Variants in NFILZ observed in about 807,000 individuals in gnomAD.
NFILZ encodes the protein NFIL3 like protein.
At chr19:8,660,679 CCAGGTTGGA>C (rs1555749006) in intron 3 of NFILZ, among the ~76,000 whole-genome samples, 1 of 146,096 alleles carries the variant, frequency 6.8e-6, no homozygotes, top group African/African-American at 2.5e-5. Flanking sequence ...CTCTTGTTGC[CCAGGTTGGA>C]GTTCGATGGT....
chr19:8,651,368 G>A (rs1219452901), intron 3 of NFILZ, among the ~76,000 whole-genome samples: 1 of 152,018 alleles, frequency 6.6e-6, no homozygotes, highest in Admixed American at 6.6e-5. Context: ...CACCATGTTG[G>A]CCAGGCTAGT....
At chr19:8,652,979 CCTT>C (rs2042972301) in intron 3 of NFILZ, among the ~76,000 whole-genome samples, 1,182 of 86,120 alleles carry the variant, frequency 0.014, 175 homozygotes, top group Middle Eastern at 0.036. Flanking sequence ...CTCCTTCCTT[CCTT>C]CCTTCCTTCC....
At position 8,678,357 on chromosome 19, in the gene NFILZ, T is replaced by C. The variant is rs2918306; in HGVS notation, c.*722T>C. ...ATTCTCATTCATCCATGCATTTGTT[T>C]TTCCTTCTATCTATCCATCCATCCA... On this transcript the variant is annotated 3_prime_UTR_variant, in exon 6 of 6. Transcript: ENST00000691075. Among the ~76,000 whole-genome samples, 28,736 of 144,372 alleles carry C rather than the reference T, an allele frequency of 0.2. 2,915 individuals are homozygous for C. The highest frequency in any genetic ancestry group is 0.25 in the Admixed American group (3,615 of 14,378). The allele number at this position is 144,372 out of a possible 152,430, so 94.7% of individuals were successfully genotyped here. A position where few individuals can be genotyped will look rare whatever the true frequency, so the allele number is the denominator to read the frequency against.
chr19:8,675,815 A>G (rs956228843), intron 4 of NFILZ, among the ~76,000 whole-genome samples: 1 of 152,118 alleles, frequency 6.6e-6, no homozygotes, highest in African/African-American at 2.4e-5. Flanking sequence ...CCCATGGATG[A>G]ATATATAGAT....
chr19:8,651,316 T>C (rs2042963943), intron 3 of NFILZ, among the ~76,000 whole-genome samples: 2 of 151,658 alleles, frequency 1.3e-5, no homozygotes, highest in South Asian at 2.1e-4. Context: ...TGCCCACCAC[T>C]AGGCCCAGCT....
chr19:8,660,203 C>T (rs1451100918), intron 3 of NFILZ, among the ~76,000 whole-genome samples: 1 of 152,190 alleles, frequency 6.6e-6, no homozygotes. Context: ...CAAGTCGGTG[C>T]ATCTCTCTGG....
rs2043122584 is a variant in NFILZ at position 8,678,086 on chromosome 19, A to T, written c.*451A>T. 2.2e-4 allele frequency among the ~76,000 whole-genome samples: 1 copy of T among 4,636 alleles called. No homozygotes were observed. The highest frequency in any genetic ancestry group is 4.9e-4 in the Non-Finnish European group (1 of 2,046). The allele number at this position is 4,636 out of a possible 152,430, so 3.0% of individuals were successfully genotyped here. A position where few individuals can be genotyped will look rare whatever the true frequency, so the allele number is the denominator to read the frequency against. On this transcript the variant is annotated 3_prime_UTR_variant, in exon 6 of 6. Transcript: ENST00000691075. ...TATTCATCCATCCATCAATCCATCC[A>T]TCCATTCCATCCATCCATCCATCCA... is the stretch of plus-strand genomic sequence containing the variant.
Position 8,659,587 on chromosome 19 carries a change from G to T in NFILZ, c.-163-14964G>T, listed in dbSNP as rs191675345. Among the ~76,000 whole-genome samples, 20 of 152,258 alleles carry T rather than the reference G, an allele frequency of 1.3e-4. No individual in the cohort carries two copies. The East Asian group carries it at 3.7e-3, about 28-fold the overall frequency. On this transcript the variant is annotated intron_variant, in intron 3 of 5. Coordinates refer to ENST00000691075, the MANE Select transcript of NFILZ (RefSeq NM_001378600.1). ...GGGGAAGAGAGTGCAGTCTTGATCC[G>T]TTAAAGGTTTTAAGCAGGAAAGTAG...
At chr19:8,663,219 A>G (rs1156502496) in intron 3 of NFILZ, among the ~76,000 whole-genome samples, 1 of 151,690 alleles carries the variant, frequency 6.6e-6, no homozygotes. Flanking sequence ...TTGGCCTCCC[A>G]AGGTGCTGGG....
At chr19:8,653,052 C>CTTTT (rs1568420514) in intron 3 of NFILZ, among the ~76,000 whole-genome samples, 2 of 98,556 alleles carry the variant, frequency 2.0e-5, no homozygotes, top group Admixed American at 2.4e-4. Context: ...CTCTCTCTCT[C>CTTTT]TCTCTCTCTC....
intron 3 of NFILZ, among the ~76,000 whole-genome samples, chr19:8,667,087 C>G (rs1417753356): frequency 1.3e-5 from 2 of 152,030 alleles, no homozygotes; most frequent in Non-Finnish European, 2.9e-5. Context: ...CCACCCTGCC[C>G]TGTCAGGGGA....
intron 1 of NFILZ, among the ~76,000 whole-genome samples, chr19:8,631,579 T>TC (rs2042869683): frequency 6.6e-6 from 1 of 151,954 alleles, no homozygotes; most frequent in African/African-American, 2.4e-5. Context: ...GGCCCCCTCT[T>TC]CCCCCGAGTC....
At chr19:8,638,005 T>G (rs1555746275) in intron 3 of NFILZ, among the ~76,000 whole-genome samples, 1 of 150,444 alleles carries the variant, frequency 6.6e-6, no homozygotes, top group Non-Finnish European at 1.5e-5. Context: ...AGAGAAGGAC[T>G]TCATAGACCT....
rs1163296485 is a variant in NFILZ, at chr19:8,653,038, TTCTCTCTCTCTCTCTC to T, written c.-164+17322_-164+17337del. On this transcript the variant is annotated intron_variant, in intron 3 of 5. Coordinates refer to ENST00000691075, the MANE Select transcript of NFILZ (RefSeq NM_001378600.1). ...TTTCTTTCTTTCTTTCTTTCTTTCT[TTCTCTCTCTCTCTCTC>T]TCTCTCTCTCTCTCTCTCTCTCTCT... 3.8e-3 allele frequency among the ~76,000 whole-genome samples: 348 copies of T among 90,454 alleles called. 6 individuals are homozygous for T. The highest frequency in any genetic ancestry group is 0.012 in the African/African-American group (252 of 21,124). 59.3% of individuals were successfully genotyped at this position (90,454 alleles called of 152,430 possible).
intron 3 of NFILZ, among the ~76,000 whole-genome samples, chr19:8,636,321 G>A (rs1009112402): frequency 1.5e-4 from 23 of 151,052 alleles, no homozygotes; most frequent in African/African-American, 2.4e-4. Flanking sequence ...GGTGGCACAC[G>A]CCTGTAGTCC....
intron 3 of NFILZ, among the ~76,000 whole-genome samples, chr19:8,671,318 A>G (rs972245470): frequency 2.0e-5 from 3 of 152,130 alleles, no homozygotes; most frequent in Admixed American, 1.3e-4. Context: ...GGCCCAGCCC[A>G]GCTCTTACTG....
chr19:8,645,906 T>C (rs536107794), intron 3 of NFILZ, among the ~76,000 whole-genome samples: 17 of 152,332 alleles, frequency 1.1e-4, no homozygotes, highest in African/African-American at 4.1e-4. Flanking sequence ...ACGAAGATGA[T>C]ATTAGGTTGA....
intron 3 of NFILZ, among the ~76,000 whole-genome samples, chr19:8,647,427 C>T (rs2042943481): frequency 1.3e-5 from 2 of 152,106 alleles, no homozygotes; most frequent in Admixed American, 1.3e-4. Flanking sequence ...CAAAAATTAG[C>T]TGGGCATGGT....
intron 3 of NFILZ, among the ~76,000 whole-genome samples, chr19:8,638,223 G>A (rs1054353274): frequency 2.0e-5 from 3 of 152,178 alleles, no homozygotes; most frequent in East Asian, 1.9e-4. Context: ...TAAGCCAGGC[G>A]TCACACGCTA....
Sources: allele counts gnomAD v4.1 joint callset (sites outside exome capture counted in the v4.1 genomes callset), GRCh38; gene constraint gnomAD v4.1.1; transcripts MANE v1.5; gene names NCBI Gene and HGNC (gene_info 2026-07-23, HGNC 2026-07-21).